Variants in SUSD6 observed in about 807,000 individuals in gnomAD.
SUSD6 encodes sushi domain-containing protein 6.
A neutral mutation model predicts 28.4 loss-of-function variants in SUSD6; 16 were observed. The observed-to-expected ratio is 0.56, with a 90% CI of 0.38 to 0.86. The LOEUF (loss-of-function observed/expected upper bound fraction) is 0.86. Among genes scored for constraint, SUSD6 ranks in the 40% least tolerant of loss-of-function variants. The probability of loss-of-function intolerance (pLI) is 0.00; values close to 1 mark genes in which losing one functional copy is unlikely to be tolerated. For synonymous variants in SUSD6, 147 were observed against 159.6 expected, an observed-to-expected ratio of 0.92 and a Z score of 0.59; for missense variants, 341 against 384.2, an observed-to-expected ratio of 0.89 and a Z score of 0.94.
chr14:69,676,373 T>G (rs893157819), intron 2 of SUSD6, among the ~76,000 whole-genome samples: 6 of 150,776 alleles, frequency 4.0e-5, no homozygotes, highest in Non-Finnish European at 8.8e-5. Context: ...TTTACTGTGC[T>G]TTTTCTTTTT....
intron 1 of SUSD6, among the ~76,000 whole-genome samples, chr14:69,637,256 C>T (rs1479425385): frequency 6.6e-6 from 1 of 152,008 alleles, no homozygotes; most frequent in East Asian, 1.9e-4. Context: ...GTGTGGGTGC[C>T]TCTCCTTGGT....
At chr14:69,626,026 T>G (rs943710195) in intron 1 of SUSD6, among the ~76,000 whole-genome samples, 2 of 152,308 alleles carry the variant, frequency 1.3e-5, no homozygotes, top group African/African-American at 4.8e-5. Context: ...TTTGTGGGAC[T>G]GAATGGTTGA....
At chr14:69,676,799 A>G (rs1882274793) in intron 2 of SUSD6, among the ~76,000 whole-genome samples, 2 of 152,250 alleles carry the variant, frequency 1.3e-5, no homozygotes, top group African/African-American at 2.4e-5. Flanking sequence ...AAAGTTTGCT[A>G]ATAATGTAGA....
intron 2 of SUSD6, among the ~76,000 whole-genome samples, chr14:69,663,174 A>T (rs143595212): frequency 6.6e-6 from 1 of 152,194 alleles, no homozygotes; most frequent in Admixed American, 6.5e-5. Context: ...TCTTAATCCA[A>T]CTGGCTTGCT....
chr14:69,639,576 C>CA (rs2139601963), intron 1 of SUSD6, among the ~76,000 whole-genome samples: 1 of 152,244 alleles, frequency 6.6e-6, no homozygotes, highest in South Asian at 2.1e-4. Flanking sequence ...GGTCTGGGGA[C>CA]ATGCTGGTTG....
intron 1 of SUSD6, among the ~76,000 whole-genome samples, chr14:69,630,078 C>G (rs1302677697): frequency 6.6e-6 from 1 of 152,168 alleles, no homozygotes; most frequent in Non-Finnish European, 1.5e-5. Flanking sequence ...ATAATAAAAG[C>G]TAACATATAT....
intron 2 of SUSD6, among the ~76,000 whole-genome samples, chr14:69,689,672 T>A (rs1886126437): frequency 6.6e-6 from 1 of 152,216 alleles, no homozygotes; most frequent in Admixed American, 6.5e-5. Context: ...CTTTTAAAAA[T>A]TTGTTTAATT....
chr14:69,619,508 C>G (rs1311250491), intron 1 of SUSD6, among the ~76,000 whole-genome samples: 1 of 152,012 alleles, frequency 6.6e-6, no homozygotes, highest in African/African-American at 2.4e-5. Context: ...CACCTGTAAT[C>G]CCAGCACTTT....
At chr14:69,650,627 G>A (rs1885489976) in intron 1 of SUSD6, among the ~76,000 whole-genome samples, 1 of 152,162 alleles carries the variant, frequency 6.6e-6, no homozygotes, top group Admixed American at 6.5e-5. Flanking sequence ...CCTGCTCACA[G>A]GCACTTTGCC....
chr14:69,640,343 A>G (rs1885333759), intron 1 of SUSD6, among the ~76,000 whole-genome samples: 1 of 151,938 alleles, frequency 6.6e-6, no homozygotes, highest in African/African-American at 2.4e-5. Flanking sequence ...TATATAATAT[A>G]TATATTTGGA....
At chr14:69,690,005 A>G (rs894055119) in intron 2 of SUSD6, among the ~76,000 whole-genome samples, 10 of 152,128 alleles carry the variant, frequency 6.6e-5, no homozygotes, top group Non-Finnish European at 1.0e-4. Context: ...TAGTTATTAA[A>G]CCTGCTGTCT....
chr14:69,675,332 C>G (rs536554939), intron 2 of SUSD6, among the ~76,000 whole-genome samples: 1 of 152,312 alleles, frequency 6.6e-6, no homozygotes, highest in East Asian at 1.9e-4. Context: ...TTTCATCACT[C>G]AACATTTACA....
Position 69,711,311 on chromosome 14 carries a change from C to T in SUSD6, c.*332C>T, listed in dbSNP as rs574246171. 247 of 392,254 alleles carry T rather than the reference C, an allele frequency of 6.3e-4. 1 individual carries two copies. The highest frequency in any genetic ancestry group is 5.5e-4 in the South Asian group (18 of 32,804). The allele number at this position is 392,254 out of a possible 1,614,324, so 24.3% of individuals were successfully genotyped here. ...CAGCCAGCTCTTTGGCGGCAGCCCC[C>T]ACCAGCTCCTGTGGGCCTGAGTGCT... is the stretch of plus-strand genomic sequence containing the variant. On this transcript the variant is annotated 3_prime_UTR_variant, in exon 6 of 6. Transcript: ENST00000342745.
intron 1 of SUSD6, among the ~76,000 whole-genome samples, chr14:69,644,148 C>G (rs1315218314): frequency 1.3e-5 from 2 of 152,132 alleles, no homozygotes; most frequent in Non-Finnish European, 2.9e-5. Flanking sequence ...CTTCCTTTAC[C>G]TCTCAAGGAA....
intron 2 of SUSD6, among the ~76,000 whole-genome samples, chr14:69,678,351 T>C (rs1885945459): frequency 6.7e-6 from 1 of 148,832 alleles, no homozygotes; most frequent in African/African-American, 2.4e-5. Flanking sequence ...TATATAAATA[T>C]ATATTTATAA....
In SUSD6 at chr14:69,658,495, C is replaced by CTTGT. The variant is rs1885616629; in HGVS notation, c.-80-8_-80-5dup. ...ATGGCTGAAGTTTTCACTTTATGTC[C>CTTGT]TTGTTTGTTTGTTACAGGTGAATCA... On this transcript the variant is annotated splice_polypyrimidine_tract_variant and intron_variant, in intron 1 of 5. Coordinates refer to ENST00000342745, the MANE Select transcript of SUSD6 (RefSeq NM_014734.4). The CTTGT allele has an allele frequency of 1.5e-6, 2 of 1,305,632 alleles. No homozygotes were observed. The highest frequency in any genetic ancestry group is 2.1e-6 in the Non-Finnish European group (2 of 938,292). 80.9% of individuals were successfully genotyped at this position (1,305,632 alleles called of 1,614,324 possible). A position where few individuals can be genotyped will look rare whatever the true frequency, so the allele number is the denominator to read the frequency against.
chr14:69,672,110 C>T (rs1885841652), intron 2 of SUSD6, among the ~76,000 whole-genome samples: 1 of 152,176 alleles, frequency 6.6e-6, no homozygotes, highest in African/African-American at 2.4e-5. Flanking sequence ...CTGGTTAATC[C>T]ACCATCCATC....
At chr14:69,690,001 T>G (rs1886131423) in intron 2 of SUSD6, among the ~76,000 whole-genome samples, 1 of 152,238 alleles carries the variant, frequency 6.6e-6, no homozygotes, top group Non-Finnish European at 1.5e-5. Flanking sequence ...TTATTAGTTA[T>G]TAAACCTGCT....
At chr14:69,680,558 G>A (rs1331124392) in intron 2 of SUSD6, among the ~76,000 whole-genome samples, 1 of 151,944 alleles carries the variant, frequency 6.6e-6, no homozygotes, top group South Asian at 2.1e-4. Context: ...ACAAACTCAG[G>A]GTCCCATAAG....
Sources: gnomAD v4.1 joint callset for allele counts (sites outside exome capture counted in the v4.1 genomes callset) on GRCh38, gnomAD v4.1.1 for gene constraint, MANE v1.5 for transcripts, NCBI Gene and HGNC (gene_info 2026-07-23, HGNC 2026-07-21) for gene names.